Variants in RGS6 observed in about 807,000 individuals in gnomAD.
The protein encoded by RGS6 is regulator of G protein signaling 6, also known as regulator of G-protein signaling 6.
In RGS6, 30 loss-of-function variants were observed where a neutral mutation model predicts 78.5. That is an observed-to-expected ratio of 0.38 (90% confidence interval 0.29 to 0.52). The LOEUF is 0.52. RGS6 is among the 20% of genes least tolerant of loss of function. RGS6 has a pLI of 0.85. For missense variants in RGS6, 495 were observed against 609.7 expected, an observed-to-expected ratio of 0.81 and a Z score of 1.98; for synonymous variants, 206 against 206.0, an observed-to-expected ratio of 1.00 and a Z score of 0.00.
At chr14:72,167,618 C>T (rs2096946984) in intron 2 of RGS6, among the ~76,000 whole-genome samples, 1 of 152,122 alleles carries the variant, frequency 6.6e-6, no homozygotes, top group Non-Finnish European at 1.5e-5. Flanking sequence ...ACTTTTTGAT[C>T]TTCTTATTTT....
chr14:72,162,331 T>G (rs2096863927), intron 2 of RGS6, among the ~76,000 whole-genome samples: 1 of 152,166 alleles, frequency 6.6e-6, no homozygotes, highest in East Asian at 1.9e-4. Flanking sequence ...CTGACCCACC[T>G]CTATTCCCTG....
At chr14:72,500,004 A>AT (rs1172102863) in intron 13 of RGS6, among the ~76,000 whole-genome samples, 2 of 152,220 alleles carry the variant, frequency 1.3e-5, no homozygotes, top group African/African-American at 4.8e-5. Flanking sequence ...TTTCATTGGT[A>AT]TTTGGGAAAG....
chr14:72,310,578 T>C (rs1021324074), intron 2 of RGS6, among the ~76,000 whole-genome samples: 3 of 152,248 alleles, frequency 2.0e-5, no homozygotes, highest in Non-Finnish European at 4.4e-5. Context: ...TTCTAATTGT[T>C]ACTTAACCAA....
intron 2 of RGS6, among the ~76,000 whole-genome samples, chr14:72,034,010 T>A (rs533765706): frequency 2.0e-5 from 3 of 152,216 alleles, no homozygotes; most frequent in Non-Finnish European, 4.4e-5. Flanking sequence ...TGTTTAGTCA[T>A]GTTGAATATA....
At chr14:72,106,476 A>G (rs1248602146) in intron 2 of RGS6, among the ~76,000 whole-genome samples, 3 of 152,174 alleles carry the variant, frequency 2.0e-5, no homozygotes, top group Admixed American at 6.5e-5. Context: ...TGAGGTGGAC[A>G]CTTTGAAACC....
At chr14:72,293,493 C>T (rs2064047242) in intron 2 of RGS6, among the ~76,000 whole-genome samples, 1 of 152,052 alleles carries the variant, frequency 6.6e-6, no homozygotes, top group Admixed American at 6.5e-5. Flanking sequence ...CCCCTTTCCG[C>T]TTTCCCACTT....
At position 72,310,267 on chromosome 14, in the gene RGS6, G is replaced by A. The variant is rs545091854; in HGVS notation, c.85-41828G>A. On this transcript the variant is annotated intron_variant, in intron 2 of 17. Coordinates refer to ENST00000553525, the MANE Select transcript of RGS6 (RefSeq NM_001204424.2). ...GAGGATGCCTGGCACTAGAGATACA[G>A]CAGCAGCGGCGTCAGCCGCTGGTCT... 3.3e-5 allele frequency among the ~76,000 whole-genome samples: 5 copies of A among 152,352 alleles called. No homozygotes were observed. The South Asian group carries it at 1.0e-3, about 32-fold the overall frequency.
intron 13 of RGS6, among the ~76,000 whole-genome samples, chr14:72,500,530 T>C (rs996468589): frequency 4.6e-5 from 7 of 152,244 alleles, no homozygotes; most frequent in African/African-American, 1.4e-4. Flanking sequence ...TAGTCAACTA[T>C]GTGCTGTGTT....
intron 2 of RGS6, among the ~76,000 whole-genome samples, chr14:72,326,999 G>T (rs12435357): frequency 2.6e-5 from 4 of 152,140 alleles, no homozygotes; most frequent in African/African-American, 9.7e-5. Flanking sequence ...GAGCCGTTGC[G>T]CCCGGCCAGG....
At chr14:72,459,982 A>C (rs1047209957) in intron 6 of RGS6, among the ~76,000 whole-genome samples, 27 of 152,188 alleles carry the variant, frequency 1.8e-4, no homozygotes, top group African/African-American at 6.3e-4. Flanking sequence ...CCACAGCAAC[A>C]CTATCAGATG....
intron 1 of RGS6, among the ~76,000 whole-genome samples, chr14:71,936,769 T>C (rs185161643): frequency 6.6e-6 from 1 of 152,320 alleles, no homozygotes; most frequent in Admixed American, 6.5e-5. Flanking sequence ...TTAGTATGAG[T>C]GTATATATAC....
intron 2 of RGS6, among the ~76,000 whole-genome samples, chr14:72,180,196 T>A (rs2097156526): frequency 6.6e-6 from 1 of 152,238 alleles, no homozygotes; most frequent in South Asian, 2.1e-4. Flanking sequence ...AACATCAGTG[T>A]ATCACATCTC....
intron 15 of RGS6, among the ~76,000 whole-genome samples, chr14:72,519,542 G>C (rs910842381): frequency 6.6e-6 from 1 of 152,126 alleles, no homozygotes; most frequent in East Asian, 1.9e-4. Flanking sequence ...GAATTACCTT[G>C]TCATTTGCTC....
chr14:72,173,935 C>A lies in RGS6; in HGVS notation c.85-178160C>A, dbSNP rs960526943. Reference sequence around the variant, plus strand: ...CCACCTGTAAAGAGGATAATACACTCTTAGATGTGTAGGGACACAGCCTCT... The same window carrying A: ...CCACCTGTAAAGAGGATAATACACTATTAGATGTGTAGGGACACAGCCTCT... On this transcript the variant is annotated intron_variant, in intron 2 of 17. Coordinates refer to ENST00000553525, the MANE Select transcript of RGS6 (RefSeq NM_001204424.2). Among the ~76,000 whole-genome samples, 3 of 152,184 alleles carry A rather than the reference C, an allele frequency of 2.0e-5. No homozygotes were observed. In the East Asian group the frequency reaches 5.8e-4, roughly 29 times the overall value.
intron 2 of RGS6, among the ~76,000 whole-genome samples, chr14:72,324,248 T>C (rs1457117085): frequency 6.6e-6 from 1 of 152,198 alleles, no homozygotes; most frequent in Non-Finnish European, 1.5e-5. Context: ...ATCAGTCTAT[T>C]CAAAAATGTT....
At chr14:72,071,098 T>C (rs2153455587) in intron 2 of RGS6, among the ~76,000 whole-genome samples, 1 of 152,308 alleles carries the variant, frequency 6.6e-6, no homozygotes, top group East Asian at 1.9e-4. Context: ...ACCACCTATG[T>C]ATGTATCAAT....
At chr14:72,086,866 G>A (rs372455203) in intron 2 of RGS6, among the ~76,000 whole-genome samples, 5 of 152,172 alleles carry the variant, frequency 3.3e-5, no homozygotes, top group Non-Finnish European at 5.9e-5. Flanking sequence ...AGTTAAAAGC[G>A]AGTTTTCCTC....
downstream of RGS6, among the ~76,000 whole-genome samples, chr14:72,568,084 T>C (rs1257090188): frequency 1.3e-5 from 2 of 152,202 alleles, no homozygotes; most frequent in African/African-American, 4.8e-5. Context: ...GGTACGCTCT[T>C]CCTCGCTTGA....
At chr14:72,223,223 A>G (rs555719850) in intron 2 of RGS6, among the ~76,000 whole-genome samples, 62 of 152,372 alleles carry the variant, frequency 4.1e-4, no homozygotes, top group Admixed American at 2.0e-3. Context: ...GGTTTTAATA[A>G]CACAACCTGG....
Sources: allele counts gnomAD v4.1 joint callset (sites outside exome capture counted in the v4.1 genomes callset), GRCh38; gene constraint gnomAD v4.1.1; transcripts MANE v1.5; gene names NCBI Gene and HGNC (gene_info 2026-07-23, HGNC 2026-07-21).